CGREF1: variants seen among roughly 807,000 people sequenced by gnomAD.
The protein encoded by CGREF1 is cell growth regulator with EF hand domain protein 1.
A neutral mutation model predicts 17.4 loss-of-function variants in CGREF1; 16 were observed. That is an observed-to-expected ratio of 0.92 (90% confidence interval 0.62 to 1.40). CGREF1 has a LOEUF of 1.40. Ranked by LOEUF, CGREF1 falls within the 40% of genes most tolerant of loss-of-function variation. The pLI, the probability that CGREF1 is intolerant of heterozygous loss-of-function variation, is 0.00. For synonymous variants in CGREF1, 142 were observed against 154.6 expected, an observed-to-expected ratio of 0.92 and a Z score of 0.61; for missense variants, 296 against 376.4, an observed-to-expected ratio of 0.79 and a Z score of 1.77.
At chr2:27,114,687 G>A (rs900018440) in intron 1 of CGREF1, among the ~76,000 whole-genome samples, 8 of 152,192 alleles carry the variant, frequency 5.3e-5, no homozygotes, top group Non-Finnish European at 7.4e-5. Context: ...ACCACCCTAC[G>A]GAAGAGAGAG....
Position 27,102,089 on chromosome 2 carries a change from G to T in CGREF1, c.342+8C>A. The T allele has an allele frequency of 6.2e-7, 1 of 1,600,466 alleles. No individual in the cohort carries two copies. The highest frequency in any genetic ancestry group is 8.5e-7 in the Non-Finnish European group (1 of 1,170,184). On this transcript the variant is annotated splice_region_variant and intron_variant, in intron 5 of 5. Transcript: ENST00000402394. ...TTTATGCGGGGATCTCCATCCAGCA[G>T]AGCTTACCGGGTTGGTGGTAGGAGA...
Position 27,101,901 on chromosome 2 carries a change from A to C in CGREF1, c.343-13T>G. The C allele has an allele frequency of 6.2e-7, 1 of 1,607,476 alleles. No homozygotes were observed. Among genetic ancestry groups the C allele is most frequent in the Non-Finnish European group, 8.5e-7 (1 of 1,177,118 alleles). ...CTATCAAGATCACCTGTGGAAGCAG[A>C]GTCACTGTGGGGTCTCCAGGGACAG... On this transcript the variant is annotated splice_polypyrimidine_tract_variant and intron_variant, in intron 5 of 5. Transcript: ENST00000402394.
At chr2:27,112,084 A>G (rs1181141406) in intron 1 of CGREF1, among the ~76,000 whole-genome samples, 4 of 152,226 alleles carry the variant, frequency 2.6e-5, no homozygotes, top group Admixed American at 1.3e-4. Flanking sequence ...AGCTTGGGCA[A>G]CATAGTGAGA....
At position 27,100,688 on chromosome 2, in the gene CGREF1, C is replaced by A. The variant is rs1310289302; in HGVS notation, c.*586G>T. On this transcript the variant is annotated 3_prime_UTR_variant, in exon 6 of 6. Coordinates refer to ENST00000402394, the MANE Select transcript of CGREF1 (RefSeq NM_006569.6). ...AATTTCTTCATCTGTCAAATGGAAC[C>A]AATTCTGCTTGGCTACAGAATTATT... is the stretch of plus-strand genomic sequence containing the variant. The A allele has an allele frequency of 9.2e-7, 1 of 1,086,356 alleles. No individual in the cohort carries two copies. The allele number at this position is 1,086,356 out of a possible 1,614,324, so 67.3% of individuals were successfully genotyped here. A position where few individuals can be genotyped will look rare whatever the true frequency, so the allele number is the denominator to read the frequency against.
rs559109635 is a variant in CGREF1 at position 27,102,197 on chromosome 2, T to C, written c.242A>G (p.His81Arg). ...EQVLLYLFAL[H>R]DYDQSGQLDG... Reference sequence around the variant, plus strand: ...CAGCTGTCCACTCTGGTCATAGTCATGGAGGGCAAAGAGGTAGAGGAGAAC... The same window carrying C: ...CAGCTGTCCACTCTGGTCATAGTCACGGAGGGCAAAGAGGTAGAGGAGAAC... Residue 81 changes from histidine (H) to arginine (R), a missense_variant, in exon 5 of 6, where the codon CAT becomes CGT. Physicochemically the swap from His to Arg is conservative, Grantham distance 29. Around this residue, in one of 3 missense-constraint regions of CGREF1, gnomAD observed 247 missense variants for 267.2 expected, o/e 0.92. Transcript: ENST00000402394. 1.2e-6 allele frequency: 2 copies of C among 1,612,246 alleles called. No individual in the cohort carries two copies. Among genetic ancestry groups the C allele is most frequent in the Admixed American group, 1.7e-5 (1 of 59,950 alleles).
chr2:27,110,011 AAAAG>A (rs763053217), intron 1 of CGREF1, among the ~76,000 whole-genome samples: 94 of 152,240 alleles, frequency 6.2e-4, no homozygotes, highest in Non-Finnish European at 8.8e-4. Flanking sequence ...AAACTGAACT[AAAAG>A]AAAGGCAGAA....
intron 1 of CGREF1, among the ~76,000 whole-genome samples, chr2:27,106,585 A>G (rs527322247): frequency 6.6e-6 from 1 of 152,168 alleles, no homozygotes; most frequent in Non-Finnish European, 1.5e-5. Context: ...CTGAGACTCT[A>G]TAACAAGCCT....
chr2:27,104,411 A>G (rs1455077397), intron 1 of CGREF1, 34 bp from the exon 2 acceptor site: 4 of 1,610,064 alleles, frequency 2.5e-6, no homozygotes, highest in Non-Finnish European at 2.5e-6. Flanking sequence ...GGTCGGGGGA[A>G]AGAGGCGTCT....
intron 1 of CGREF1, among the ~76,000 whole-genome samples, chr2:27,117,727 G>C (rs1263455767): frequency 5.5e-5 from 2 of 36,352 alleles, no homozygotes; most frequent in East Asian, 1.4e-3. Flanking sequence ...TTTTTTTTTT[G>C]AGGCGGAGTC....
chr2:27,118,633 C>G (rs1304969589), intron 1 of CGREF1: 1 of 152,530 alleles, frequency 6.6e-6, no homozygotes, highest in Non-Finnish European at 1.5e-5. Context: ...CAAGGAGCCT[C>G]AGGCTCGCTC....
chr2:27,116,744 T>G (rs74367109), intron 1 of CGREF1, among the ~76,000 whole-genome samples: 1 of 148,010 alleles, frequency 6.8e-6, no homozygotes, highest in Non-Finnish European at 1.5e-5. Context: ...TAATTTTGTA[T>G]TTTTAGTAGA....
At chr2:27,103,025 G>A (rs1022122344) in intron 2 of CGREF1, 2 of 985,368 alleles carry the variant, frequency 2.0e-6, no homozygotes, top group Non-Finnish European at 2.4e-6. Context: ...TTTGCTCCAT[G>A]ACATAAAATT....
At chr2:27,118,746 A>G (rs1236106983) in intron 1 of CGREF1, 100 bp downstream of exon 1, 1 of 152,308 alleles carries the variant, frequency 6.6e-6, no homozygotes, top group Non-Finnish European at 1.5e-5. Context: ...CGCTCTCGGG[A>G]TCTGGACCAG....
intron 1 of CGREF1, among the ~76,000 whole-genome samples, chr2:27,108,860 G>A (rs1358544266): frequency 6.6e-6 from 1 of 151,942 alleles, no homozygotes; most frequent in Non-Finnish European, 1.5e-5. Flanking sequence ...TGTTGCCCAG[G>A]CTGGAACTCC....
intron 1 of CGREF1, among the ~76,000 whole-genome samples, chr2:27,107,972 G>A (rs1422808339): frequency 6.7e-6 from 1 of 148,566 alleles, no homozygotes; most frequent in Non-Finnish European, 1.5e-5. Flanking sequence ...AGAAATAAGA[G>A]CATAAAAATG....
intron 1 of CGREF1, among the ~76,000 whole-genome samples, chr2:27,111,842 G>C (rs1474622922): frequency 1.3e-5 from 2 of 152,020 alleles, no homozygotes; most frequent in Non-Finnish European, 2.9e-5. Context: ...TCGCGCTCGC[G>C]CCTCTCCCTA....
Position 27,101,412 on chromosome 2 carries a change from TCTGGGCCCGGGGG to T in CGREF1, c.806_818del (p.Ala269GlufsTer49), listed in dbSNP as rs2148377671. The T allele has an allele frequency of 1.1e-4, 170 of 1,565,062 alleles. No homozygotes were observed. Among genetic ancestry groups the T allele is most frequent in the East Asian group, 4.5e-4 (19 of 42,254 alleles). On this transcript the variant is annotated frameshift_variant, in exon 6 of 6. Coordinates refer to ENST00000402394, the MANE Select transcript of CGREF1 (RefSeq NM_006569.6). LOFTEE classifies it low-confidence loss of function (END_TRUNC). The stretch of plus-strand genomic sequence containing the variant: ...CCTCTGCCTGGCCCCCAGCTTCCCC[TCTGGGCCCGGGGG>T]CATCTCCTTCAGCCTCTGCCTGGCC...
downstream of CGREF1, chr2:27,099,655 C>T (rs1404666574): frequency 6.2e-7 from 1 of 1,614,090 alleles, no homozygotes; most frequent in African/African-American, 1.3e-5. Flanking sequence ...GCTACTTGCC[C>T]CTCCTCCAGG....
intron 1 of CGREF1, chr2:27,104,809 G>A: frequency 1.4e-6 from 2 of 1,452,354 alleles, no homozygotes; most frequent in South Asian, 1.5e-5. Flanking sequence ...AAAAGACCAA[G>A]ACTTAAACAC....
Sources: allele counts gnomAD v4.1 joint callset (sites outside exome capture counted in the v4.1 genomes callset), GRCh38; gene constraint gnomAD v4.1.1; regional missense constraint gnomAD v4.1.1; transcripts MANE v1.5; gene names NCBI Gene and HGNC (gene_info 2026-07-23, HGNC 2026-07-21).